The following CSMD1 variants were observed in gnomAD, a reference collection of about 807,000 sequenced individuals.
The protein encoded by CSMD1 is CUB and sushi domain-containing protein 1.
Under a neutral mutation model 417.5 loss-of-function variants are expected in CSMD1, and 213 were observed. That is an observed-to-expected ratio of 0.51 (90% CI 0.46 to 0.57). The LOEUF is 0.57. Ranked by LOEUF, CSMD1 falls within the 20% of genes least tolerant of loss-of-function variation. CSMD1 has a pLI of 0.00. For missense variants in CSMD1, 6,923 were observed against 4,529.7 expected, an observed-to-expected ratio of 1.53 and a Z score of -15.17; for synonymous variants, 2,862 against 1,736.8, an observed-to-expected ratio of 1.65 and a Z score of -16.11.
intron 5 of CSMD1, among the ~76,000 whole-genome samples, chr8:3,777,888 C>T (rs13439844): frequency 4.9e-3 from 640 of 130,782 alleles, no homozygotes; most frequent in African/African-American, 6.5e-3. Flanking sequence ...CTCCTTGAAG[C>T]GCAGAGTCTC....
intron 26 of CSMD1, among the ~76,000 whole-genome samples, chr8:3,257,813 G>C (rs1352814108): frequency 1.3e-5 from 2 of 152,170 alleles, no homozygotes; most frequent in East Asian, 1.9e-4. Context: ...CGGTGGGTGG[G>C]GTGAGGGGAG....
intron 3 of CSMD1, among the ~76,000 whole-genome samples, chr8:4,167,679 T>G (rs1474240565): frequency 6.6e-6 from 1 of 152,190 alleles, no homozygotes; most frequent in Non-Finnish European, 1.5e-5. Context: ...ATATTGGTTA[T>G]ATGATCAATT....
At position 3,930,293 on chromosome 8, in the gene CSMD1, A is replaced by G. The variant is rs186614577; in HGVS notation, c.818+67610T>C. 1.2e-3 allele frequency among the ~76,000 whole-genome samples: 187 copies of G among 150,562 alleles called. 14 individuals are homozygous for G. The highest frequency in any genetic ancestry group is 4.2e-3 in the African/African-American group (171 of 40,874). On this transcript the variant is annotated intron_variant, in intron 5 of 69. Transcript: ENST00000635120. ...ATAAATAGTAACTTCTCTTAGAAGC[A>G]AACTTTATTCAAAGACCTGTGCTAA...
chr8:4,268,514 A>G (rs1400976846), intron 3 of CSMD1, among the ~76,000 whole-genome samples: 2 of 152,200 alleles, frequency 1.3e-5, no homozygotes, highest in Non-Finnish European at 2.9e-5. Flanking sequence ...AGAAACAAGT[A>G]GTAGTCAAAA....
chr8:4,775,219 T>G (rs1219425700), intron 1 of CSMD1, among the ~76,000 whole-genome samples: 2 of 152,104 alleles, frequency 1.3e-5, no homozygotes, highest in Non-Finnish European at 2.9e-5. Context: ...GTAGGACATA[T>G]CACTAAAATA....
intron 29 of CSMD1, among the ~76,000 whole-genome samples, chr8:3,215,192 A>G (rs1797812586): frequency 6.6e-6 from 1 of 152,242 alleles, no homozygotes; most frequent in South Asian, 2.1e-4. Context: ...TTCTTATACG[A>G]ATAACAACAG....
intron 2 of CSMD1, among the ~76,000 whole-genome samples, chr8:4,460,661 A>C (rs1179577558): frequency 1.5e-5 from 2 of 131,134 alleles, no homozygotes; most frequent in African/African-American, 4.2e-5. Flanking sequence ...TTTAAGAAGA[A>C]GACTGTAAGA....
chr8:3,749,722 G>A (rs574794897), intron 6 of CSMD1, among the ~76,000 whole-genome samples: 12 of 152,056 alleles, frequency 7.9e-5, no homozygotes, highest in East Asian at 1.9e-4. Context: ...CGAATCATAC[G>A]GTTTATGTTT....
intron 7 of CSMD1, among the ~76,000 whole-genome samples, chr8:3,706,550 T>A (rs551147824): frequency 2.6e-5 from 4 of 152,210 alleles, no homozygotes; most frequent in African/African-American, 9.6e-5. Context: ...TGAGTCATTA[T>A]GCATATGTCA....
chr8:4,088,811 C>A (rs1377040456), intron 3 of CSMD1, among the ~76,000 whole-genome samples: 1 of 152,120 alleles, frequency 6.6e-6, no homozygotes, highest in East Asian at 1.9e-4. Context: ...GATCCCTCAG[C>A]ATGTGGACTC....
chr8:3,930,965 A>G (rs1016201563), intron 5 of CSMD1, among the ~76,000 whole-genome samples: 3 of 150,676 alleles, frequency 2.0e-5, no homozygotes, highest in African/African-American at 4.9e-5. Context: ...TACATCAGCA[A>G]AAACGCCCTG....
chr8:3,219,853 G>C (rs537771107), intron 28 of CSMD1, among the ~76,000 whole-genome samples: 4 of 152,174 alleles, frequency 2.6e-5, no homozygotes, highest in African/African-American at 9.6e-5. Context: ...GAAAATACTG[G>C]AATTTTGAAA....
intron 52 of CSMD1, among the ~76,000 whole-genome samples, chr8:3,009,311 A>C (rs1259081606): frequency 2.6e-5 from 4 of 152,230 alleles, no homozygotes; most frequent in African/African-American, 9.6e-5. Context: ...CCAAATATTC[A>C]ACCTCAGTAT....
intron 1 of CSMD1, among the ~76,000 whole-genome samples, chr8:4,877,429 A>G (rs910761773): frequency 9.9e-5 from 15 of 152,078 alleles, no homozygotes. Context: ...TCAATTATGT[A>G]TTTCTGTCCC....
intron 50 of CSMD1, among the ~76,000 whole-genome samples, chr8:3,034,282 C>T (rs11784845): frequency 0.22 from 33,903 of 152,094 alleles, 4,263 homozygotes; most frequent in Non-Finnish European, 0.29. Context: ...TAACTGTTTT[C>T]CATAGTTTCC....
chr8:3,632,586 T>G lies in CSMD1; in HGVS notation c.1010-15789A>C, dbSNP rs536709487. 3.3e-5 allele frequency among the ~76,000 whole-genome samples: 5 copies of G among 152,320 alleles called. No homozygotes were observed. The South Asian group carries it at 1.0e-3, about 32-fold the overall frequency. The stretch of plus-strand genomic sequence containing the variant: ...TTAAAAAATTGCATAAAGATGATGA[T>G]TCTGGATTTACTACCTAAATGTAAT... On this transcript the variant is annotated intron_variant, in intron 7 of 69. Coordinates refer to ENST00000635120, the MANE Select transcript of CSMD1 (RefSeq NM_033225.6).
intron 2 of CSMD1, among the ~76,000 whole-genome samples, chr8:4,583,200 G>T (rs1384150576): frequency 6.6e-6 from 1 of 152,198 alleles, no homozygotes; most frequent in African/African-American, 2.4e-5. Context: ...CCACCCAAGG[G>T]CTGAGGAATG....
At chr8:4,243,943 C>G (rs1428089938) in intron 3 of CSMD1, among the ~76,000 whole-genome samples, 9 of 152,196 alleles carry the variant, frequency 5.9e-5, no homozygotes, top group African/African-American at 1.9e-4. Flanking sequence ...CTTCCTCCAA[C>G]TACAATCATC....
At chr8:4,932,858 C>T (rs1807335372) in intron 1 of CSMD1, among the ~76,000 whole-genome samples, 1 of 152,156 alleles carries the variant, frequency 6.6e-6, no homozygotes, top group Non-Finnish European at 1.5e-5. Context: ...CTGTCGACGC[C>T]TCAAACATAG....
Sources: allele counts gnomAD v4.1 joint callset (sites outside exome capture counted in the v4.1 genomes callset), GRCh38; gene constraint gnomAD v4.1.1; transcripts MANE v1.5; gene names NCBI Gene and HGNC (gene_info 2026-07-23, HGNC 2026-07-21).